The following SLC36A2 variants were observed in gnomAD, a reference collection of about 807,000 sequenced individuals.
SLC36A2 encodes solute carrier family 36 member 2.
Under a neutral mutation model 42.7 loss-of-function variants are expected in SLC36A2, and 39 were observed. That is an observed-to-expected ratio of 0.91 (90% CI 0.71 to 1.19). The LOEUF is 1.19. Ranked by LOEUF, SLC36A2 falls within the 50% of genes most tolerant of loss-of-function variation. SLC36A2 has a pLI of 0.00. For missense variants in SLC36A2, 590 were observed against 613.7 expected, an observed-to-expected ratio of 0.96 and a Z score of 0.41; for synonymous variants, 237 against 240.8, an observed-to-expected ratio of 0.98 and a Z score of 0.15.
intron 5 of SLC36A2, among the ~76,000 whole-genome samples, chr5:151,336,783 T>C (rs1160022674): frequency 6.7e-6 from 1 of 150,070 alleles, no homozygotes; most frequent in African/African-American, 2.5e-5. Flanking sequence ...ACCTAACTGA[T>C]ACAGTCTTAC....
At chr5:151,346,951 C>T (rs1756512529) in intron 1 of SLC36A2, among the ~76,000 whole-genome samples, 1 of 152,208 alleles carries the variant, frequency 6.6e-6, no homozygotes, top group African/African-American at 2.4e-5. Context: ...GATTCTACCT[C>T]TATCCCCAAT....
At chr5:151,328,169 C>T (rs1755901054) in intron 7 of SLC36A2, among the ~76,000 whole-genome samples, 1 of 152,206 alleles carries the variant, frequency 6.6e-6, no homozygotes. Flanking sequence ...ATTCCAAATT[C>T]TAAAAACAAA....
intron 9 of SLC36A2, among the ~76,000 whole-genome samples, chr5:151,321,341 CTTTCTTTTTTTTT>C (rs1755682062): frequency 1.1e-5 from 1 of 94,566 alleles, no homozygotes; most frequent in Admixed American, 1.3e-4. Context: ...ATTTTCTTTT[CTTTCTTTTTTTTT>C]TTTTTTTTAA....
chr5:151,333,665 C>T (rs577979982), intron 6 of SLC36A2, among the ~76,000 whole-genome samples: 5 of 152,256 alleles, frequency 3.3e-5, no homozygotes, highest in African/African-American at 1.2e-4. Context: ...AGTTCGAGAC[C>T]AGCCTGGCCA....
Position 151,334,132 on chromosome 5 carries a change from C to A in SLC36A2, c.745-810G>T, listed in dbSNP as rs191714636. On this transcript the variant is annotated intron_variant, in intron 6 of 9. Coordinates refer to ENST00000335244, the MANE Select transcript of SLC36A2 (RefSeq NM_181776.3). ...TGACAGAGCCATTTTTCTAACTGGG[C>A]AACCTTTGGAATTGTCCAAAAATGT... 2.0e-3 allele frequency among the ~76,000 whole-genome samples: 308 copies of A among 152,288 alleles called. 1 individual carries two copies. The highest frequency in any genetic ancestry group is 6.8e-3 in the African/African-American group (284 of 41,556).
chr5:151,333,281 C>G lies in SLC36A2; in HGVS notation c.786G>C (p.Trp262Cys). 6.2e-7 allele frequency: 1 copy of G among 1,614,092 alleles called. No individual in the cohort carries two copies. The highest frequency in any genetic ancestry group is 8.5e-7 in the Non-Finnish European group (1 of 1,179,978). Reference sequence around the variant, plus strand: ...TTCCGAAGAAGAGAGGGTAGGTCTTCCAGCTTGCTACCAGTGGCAACCGGC... The same window carrying G: ...TTCCGAAGAAGAGAGGGTAGGTCTTGCAGCTTGCTACCAGTGGCAACCGGC... ...DPSRLPLVASWKTYPLFFGTA... is the reference protein window; with the variant it reads ...DPSRLPLVASCKTYPLFFGTA... The change falls in exon 7 of 10, where the codon TGG (tryptophan) becomes TGC (cysteine). Residue 262 changes from tryptophan (W) to cysteine (C), a missense_variant. Physicochemically the swap from Trp to Cys is radical, Grantham distance 215 (BLOSUM62 -2). Transcript: ENST00000335244.
chr5:151,342,968 A>C lies in SLC36A2; in HGVS notation c.360T>G (p.Phe120Leu). The change falls in exon 4 of 10, where the codon TTT becomes TTG. Residue 120 changes from phenylalanine to leucine, a missense_variant. Coordinates refer to ENST00000335244, the MANE Select transcript of SLC36A2 (RefSeq NM_181776.3). ...GCATCACCGTGTCCCCATAGTCCAT[A>C]AAGGGCTTGTTAAGCCTGCAGGAGA... ...QRFCKRLNKPFMDYGDTVMHG... is the reference protein window; with the variant it reads ...QRFCKRLNKPLMDYGDTVMHG... 6.2e-7 allele frequency: 1 copy of C among 1,614,012 alleles called. No homozygotes were observed. The highest frequency in any genetic ancestry group is 8.5e-7 in the Non-Finnish European group (1 of 1,179,904).
At chr5:151,346,302 G>T (rs1483869692) in intron 1 of SLC36A2, among the ~76,000 whole-genome samples, 1 of 152,142 alleles carries the variant, frequency 6.6e-6, no homozygotes, top group Non-Finnish European at 1.5e-5. Flanking sequence ...GACAGCACAG[G>T]CAGCAGGGCC....
chr5:151,322,160 G>C lies in SLC36A2; in HGVS notation c.1066C>G (p.Leu356Val). The change falls in exon 9 of 10, where the codon CTG becomes GTG. Residue 356 changes from leucine to valine, a missense_variant. Transcript: ENST00000335244. ...YIAGILCTYA[L>V]QFYVPAEIII... ...ATTTCTGCAGGGACGTAGAACTGCA[G>C]GGCATAGGTGCACAGGATGCCGGCA... is the stretch of plus-strand genomic sequence containing the variant. The C allele has an allele frequency of 1.9e-6, 3 of 1,614,172 alleles. No homozygotes were observed. The highest frequency in any genetic ancestry group is 2.2e-5 in the East Asian group (1 of 44,880).
chr5:151,344,917 C>T (rs1281238132), intron 1 of SLC36A2, among the ~76,000 whole-genome samples: 1 of 152,026 alleles, frequency 6.6e-6, no homozygotes, highest in African/African-American at 2.4e-5. Flanking sequence ...TGACTGGGTC[C>T]CCAGATGAGG....
intron 4 of SLC36A2, 65 bp downstream of exon 4, chr5:151,342,823 C>T: frequency 7.2e-7 from 1 of 1,395,010 alleles, no homozygotes; most frequent in South Asian, 1.2e-5. Flanking sequence ...GAAGAAGTCA[C>T]CCTGATAGCA....
chr5:151,321,261 C>T (rs1561650609), intron 9 of SLC36A2, among the ~76,000 whole-genome samples: 1 of 151,198 alleles, frequency 6.6e-6, no homozygotes, highest in Non-Finnish European at 1.5e-5. Flanking sequence ...GCCTCCTGGG[C>T]TCAAGCAATC....
intron 1 of SLC36A2, among the ~76,000 whole-genome samples, chr5:151,344,574 C>T (rs1327426029): frequency 3.9e-5 from 6 of 152,186 alleles, no homozygotes; most frequent in African/African-American, 9.7e-5. Context: ...GACAAAGATA[C>T]GATTATCATC....
chr5:151,340,154 AG>A (rs1756286081), intron 4 of SLC36A2, among the ~76,000 whole-genome samples: 1 of 109,970 alleles, frequency 9.1e-6, no homozygotes, highest in African/African-American at 5.7e-5. Flanking sequence ...GAGGAGAAGG[AG>A]GAGGAAGAAG....
At chr5:151,340,167 G>GGAA (rs746180560) in intron 4 of SLC36A2, among the ~76,000 whole-genome samples, 61,922 of 112,148 alleles carry the variant, frequency 0.55, 17,705 homozygotes, top group East Asian at 0.98. Flanking sequence ...AGGAAGAAGA[G>GGAA]GAAGGAGGAG....
chr5:151,338,012 C>T (rs1006338001), intron 5 of SLC36A2, among the ~76,000 whole-genome samples: 1 of 152,164 alleles, frequency 6.6e-6, no homozygotes, highest in Non-Finnish European at 1.5e-5. Flanking sequence ...ACCTTACATA[C>T]ATTACAGAGT....
At chr5:151,324,845 G>T (rs897608722) in intron 8 of SLC36A2, among the ~76,000 whole-genome samples, 1 of 152,170 alleles carries the variant, frequency 6.6e-6, no homozygotes, top group Non-Finnish European at 1.5e-5. Context: ...TTACCATGTT[G>T]CCCAGGTTGG....
chr5:151,333,917 C>T (rs980496623), intron 6 of SLC36A2, among the ~76,000 whole-genome samples: 6 of 152,150 alleles, frequency 3.9e-5, no homozygotes, highest in Admixed American at 2.0e-4. Flanking sequence ...CCACGAACAC[C>T]TTTGAATGGA....
In SLC36A2 at chr5:151,316,849, G is replaced by A; in HGVS notation, c.1420C>T (p.Pro474Ser). ...DELLKSEDSH[P>S]FSNSTTFVR is the part of the protein sequence containing the mutation. ...ACAAAAGTGGTGGAGTTGGAAAAGG[G>A]GTGAGAGTCTTCTGACTTGAGCAGC... Residue 474 changes from proline (P) to serine (S), a missense_variant, in exon 10 of 10, where the codon CCC (proline) becomes TCC (serine). Transcript: ENST00000335244. 1 of 1,614,096 alleles carries A rather than the reference G, an allele frequency of 6.2e-7. No individual in the cohort carries two copies. Among genetic ancestry groups the A allele is most frequent in the Non-Finnish European group, 8.5e-7 (1 of 1,180,012 alleles).
Sources: gnomAD v4.1 joint callset for allele counts (sites outside exome capture counted in the v4.1 genomes callset) on GRCh38, gnomAD v4.1.1 for gene constraint, MANE v1.5 for transcripts, NCBI Gene and HGNC (gene_info 2026-07-23, HGNC 2026-07-21) for gene names.